LRRTM4: variants seen among roughly 807,000 people sequenced by gnomAD.
LRRTM4 encodes the protein leucine-rich repeat transmembrane neuronal protein 4.
In LRRTM4, 25 loss-of-function variants were observed where a neutral mutation model predicts 47.6. The observed-to-expected ratio is 0.53, with a 90% confidence interval of 0.38 to 0.73. The LOEUF (loss-of-function observed/expected upper bound fraction) is 0.73, where lower values mean the gene tolerates loss of function less well. LRRTM4 is among the 30% of genes least tolerant of loss of function. The pLI, the probability that LRRTM4 is intolerant of heterozygous loss-of-function variation, is 0.00. For missense variants in LRRTM4, 638 were observed against 713.4 expected, an observed-to-expected ratio of 0.89 and a Z score of 1.20; for synonymous variants, 311 against 269.5, an observed-to-expected ratio of 1.15 and a Z score of -1.51.
rs367573475 is a variant in LRRTM4 at position 76,873,506 on chromosome 2, G to GTGTATATATATATATATA, written c.1552-124591_1552-124590insTATATATATATATATACA. On this transcript the variant is annotated intron_variant, in intron 3 of 3. Transcript: ENST00000409884. ...TATGTGTGTGTGTATATATATGTGT[G>GTGTATATATATATATATA]TATATATATATATATATATATATAT... 3.0e-3 allele frequency among the ~76,000 whole-genome samples: 339 copies of GTGTATATATATATATATA among 112,254 alleles called. 9 individuals are homozygous for GTGTATATATATATATATA. Among genetic ancestry groups the GTGTATATATATATATATA allele is most frequent in the South Asian group, 0.013 (47 of 3,590 alleles). The allele number at this position is 112,254 out of a possible 152,430, so 73.6% of individuals were successfully genotyped here. A position where few individuals can be genotyped will look rare whatever the true frequency, so the allele number is the denominator to read the frequency against.
intron 3 of LRRTM4, among the ~76,000 whole-genome samples, chr2:77,428,336 A>G (rs1442669209): frequency 6.6e-6 from 1 of 152,244 alleles, no homozygotes; most frequent in Non-Finnish European, 1.5e-5. Flanking sequence ...CAGTAGAGAC[A>G]GGATATATTA....
chr2:77,121,491 C>G (rs1671520649), intron 3 of LRRTM4, among the ~76,000 whole-genome samples: 1 of 151,770 alleles, frequency 6.6e-6, no homozygotes, highest in South Asian at 2.1e-4. Flanking sequence ...TAAAATTTGA[C>G]TGCTCTGGAA....
At chr2:76,820,566 C>T (rs1235251493) in intron 3 of LRRTM4, among the ~76,000 whole-genome samples, 1 of 151,810 alleles carries the variant, frequency 6.6e-6, no homozygotes, top group East Asian at 1.9e-4. Flanking sequence ...ATGATGGATT[C>T]AGTTTTAGAT....
At chr2:77,347,307 T>C (rs962871944) in intron 3 of LRRTM4, among the ~76,000 whole-genome samples, 6 of 152,196 alleles carry the variant, frequency 3.9e-5, no homozygotes, top group Non-Finnish European at 5.9e-5. Context: ...CCTTTGTAAG[T>C]AGCACCTTTG....
At chr2:77,521,926 G>A (rs1679529550) in intron 1 of LRRTM4, 108 bp from the exon 2 acceptor site, 1 of 526,308 alleles carries the variant, frequency 1.9e-6, no homozygotes, top group South Asian at 3.0e-5. Flanking sequence ...GTGGGGGCAG[G>A]GAAAAGGAAG....
intron 3 of LRRTM4, among the ~76,000 whole-genome samples, chr2:77,228,872 G>GA (rs1201418578): frequency 6.6e-6 from 1 of 152,106 alleles, no homozygotes; most frequent in East Asian, 1.9e-4. Context: ...GTGCATGAGG[G>GA]ATCCACACAT....
chr2:77,438,704 C>A (rs553470419), intron 3 of LRRTM4, among the ~76,000 whole-genome samples: 1 of 151,894 alleles, frequency 6.6e-6, no homozygotes, highest in Non-Finnish European at 1.5e-5. Context: ...ACGTGCCCGG[C>A]GGATAATGAT....
intron 3 of LRRTM4, among the ~76,000 whole-genome samples, chr2:77,387,354 C>A (rs1318447627): frequency 6.6e-6 from 1 of 152,072 alleles, no homozygotes; most frequent in Non-Finnish European, 1.5e-5. Context: ...CTGTGGGAAG[C>A]AATCCACCAT....
At chr2:76,840,029 A>G (rs1436856803) in intron 3 of LRRTM4, among the ~76,000 whole-genome samples, 7 of 152,160 alleles carry the variant, frequency 4.6e-5, no homozygotes, top group African/African-American at 1.7e-4. Flanking sequence ...CCTGCTGCCT[A>G]AATACTGTTC....
intron 3 of LRRTM4, among the ~76,000 whole-genome samples, chr2:76,839,366 T>C (rs972525013): frequency 2.8e-4 from 42 of 152,168 alleles, no homozygotes; most frequent in African/African-American, 9.9e-4. Flanking sequence ...AATGATCAAT[T>C]GTTTTATAAC....
intron 3 of LRRTM4, among the ~76,000 whole-genome samples, chr2:77,162,475 G>C (rs149283547): frequency 9.9e-5 from 15 of 152,226 alleles, no homozygotes; most frequent in African/African-American, 3.1e-4. Context: ...AGAGAGTAAT[G>C]GTTCTCCCAG....
intron 3 of LRRTM4, among the ~76,000 whole-genome samples, chr2:76,806,797 A>G (rs1276020601): frequency 2.0e-5 from 3 of 152,176 alleles, no homozygotes; most frequent in African/African-American, 2.4e-5. Context: ...TATATGTATT[A>G]TAATGACATA....
intron 3 of LRRTM4, among the ~76,000 whole-genome samples, chr2:76,981,319 C>A (rs1363748584): frequency 6.6e-6 from 1 of 152,076 alleles, no homozygotes; most frequent in Non-Finnish European, 1.5e-5. Flanking sequence ...ATCTCTCACT[C>A]AGAAATCCAC....
At chr2:77,003,266 TTTTA>T (rs1468803589) in intron 3 of LRRTM4, among the ~76,000 whole-genome samples, 6 of 151,782 alleles carry the variant, frequency 4.0e-5, no homozygotes, top group South Asian at 4.2e-4. Flanking sequence ...TCTATTTTAC[TTTTA>T]TTTGCTTATT....
At chr2:76,857,338 A>G (rs1394180737) in intron 3 of LRRTM4, among the ~76,000 whole-genome samples, 1 of 148,602 alleles carries the variant, frequency 6.7e-6, no homozygotes, top group Non-Finnish European at 1.5e-5. Context: ...TATCATATAT[A>G]TTTATTCCTT....
chr2:77,394,346 C>A (rs1203635608), intron 3 of LRRTM4, among the ~76,000 whole-genome samples: 4 of 151,872 alleles, frequency 2.6e-5, no homozygotes, highest in Non-Finnish European at 5.9e-5. Context: ...CCTTCCTTCC[C>A]TTACTGTCAA....
chr2:77,220,549 A>G (rs988192693), intron 3 of LRRTM4, among the ~76,000 whole-genome samples: 5 of 152,218 alleles, frequency 3.3e-5, no homozygotes, highest in African/African-American at 1.2e-4. Context: ...CCAGAACTAC[A>G]TGATGAATGC....
At chr2:76,796,055 T>G (rs4853276) in intron 3 of LRRTM4, among the ~76,000 whole-genome samples, 16,250 of 100,894 alleles carry the variant, frequency 0.16, 3,535 homozygotes, top group East Asian at 0.43. Flanking sequence ...AGGGGTGATG[T>G]ACTGCACCTG....
intron 3 of LRRTM4, among the ~76,000 whole-genome samples, chr2:77,088,022 G>A (rs1192150763): frequency 6.6e-6 from 1 of 152,174 alleles, no homozygotes; most frequent in African/African-American, 2.4e-5. Flanking sequence ...AAGCAGGGAA[G>A]CAGGGACAAC....
Sources: gnomAD v4.1 joint callset for allele counts (sites outside exome capture counted in the v4.1 genomes callset) on GRCh38, gnomAD v4.1.1 for gene constraint, MANE v1.5 for transcripts, NCBI Gene and HGNC (gene_info 2026-07-23, HGNC 2026-07-21) for gene names.